Variants in GADL1 observed in about 807,000 individuals in gnomAD.
GADL1 encodes the protein GAD like acidic amino acid decarboxylase 1, also known as acidic amino acid decarboxylase GADL1.
In GADL1, 71 loss-of-function variants were observed where a neutral mutation model predicts 69.5. The observed-to-expected ratio is 1.02, with a 90% CI of 0.84 to 1.25. The LOEUF (loss-of-function observed/expected upper bound fraction) is 1.25. Ranked by LOEUF, GADL1 falls within the 50% of genes most tolerant of loss-of-function variation. The pLI is 0.00. For missense variants in GADL1, 737 were observed against 631.8 expected (o/e 1.17, Z -1.79); for synonymous variants, 254 against 214.4 (o/e 1.18, Z -1.62).
intron 9 of GADL1, among the ~76,000 whole-genome samples, chr3:30,838,700 T>G (rs1697912877): frequency 6.6e-6 from 1 of 152,046 alleles, no homozygotes; most frequent in Non-Finnish European, 1.5e-5. Context: ...CTCCCTAACC[T>G]AAAATGGGTG....
intron 14 of GADL1, among the ~76,000 whole-genome samples, chr3:30,735,342 T>A (rs1695527446): frequency 6.6e-6 from 1 of 152,138 alleles, no homozygotes; most frequent in Admixed American, 6.5e-5. Flanking sequence ...ATAGTCTTCA[T>A]GAAAAAAGAA....
chr3:30,817,953 C>A (rs879683404), intron 11 of GADL1, among the ~76,000 whole-genome samples: 3 of 152,138 alleles, frequency 2.0e-5, no homozygotes, highest in Non-Finnish European at 4.4e-5. Flanking sequence ...ACTGGAGATA[C>A]GGAAGATACA....
chr3:30,847,397 A>T (rs1369423171), intron 6 of GADL1, among the ~76,000 whole-genome samples: 1 of 152,192 alleles, frequency 6.6e-6, no homozygotes, highest in Non-Finnish European at 1.5e-5. Context: ...TACCTAATAT[A>T]ACAGTACTGG....
intron 13 of GADL1, 42 bp downstream of exon 13, chr3:30,786,313 G>C (rs750323666): frequency 3.1e-6 from 4 of 1,272,598 alleles, no homozygotes; most frequent in Non-Finnish European, 4.6e-6. Context: ...CTTCATCACT[G>C]TTAACTGACA....
At chr3:30,816,525 G>A (rs200581927) in intron 11 of GADL1, among the ~76,000 whole-genome samples, 6,303 of 40,270 alleles carry the variant, frequency 0.16, 613 homozygotes, top group South Asian at 0.32. Context: ...TTCTTAATTT[G>A]TTTTCTTTTT....
In GADL1 at chr3:30,727,716, G is replaced by A. The variant is rs1695391022; in HGVS notation, c.*526C>T. The A allele has an allele frequency of 6.6e-6, 1 of 152,154 alleles. No individual in the cohort carries two copies. The highest frequency in any genetic ancestry group is 2.4e-5 in the African/African-American group (1 of 41,420). The allele number at this position is 152,154 out of a possible 1,614,324, so 9.4% of individuals were successfully genotyped here. A position where few individuals can be genotyped will look rare whatever the true frequency, so the allele number is the denominator to read the frequency against. ...ATTACAAGGTTTTTCTTAAACCAGTGTTTCTCGGATTTTACTGTGCATCAG... is the reference window on the plus strand; with the variant it reads ...ATTACAAGGTTTTTCTTAAACCAGTATTTCTCGGATTTTACTGTGCATCAG... On this transcript the variant is annotated 3_prime_UTR_variant, in exon 15 of 15. Coordinates refer to ENST00000282538, the MANE Select transcript of GADL1 (RefSeq NM_207359.3).
Position 30,854,801 on chromosome 3 carries a change from A to C in GADL1, c.338-12T>G. The C allele has an allele frequency of 6.3e-6, 9 of 1,423,584 alleles. No individual in the cohort carries two copies. Among genetic ancestry groups the C allele is most frequent in the Non-Finnish European group, 8.7e-6 (9 of 1,031,784 alleles). The allele number at this position is 1,423,584 out of a possible 1,614,324, so 88.2% of individuals were successfully genotyped here. On this transcript the variant is annotated splice_polypyrimidine_tract_variant and intron_variant, in intron 3 of 14. Coordinates refer to ENST00000282538, the MANE Select transcript of GADL1 (RefSeq NM_207359.3). ...AAATCTTGGGTGGTCTGTAAATTTAAAATGGAGTATTCATCTATGCAGCAA... is the reference window on the plus strand; with the variant it reads ...AAATCTTGGGTGGTCTGTAAATTTACAATGGAGTATTCATCTATGCAGCAA...
Position 30,890,385 on chromosome 3 carries a change from AATAG to A in GADL1, c.37+4189_37+4192del, listed in dbSNP as rs563982335. Among the ~76,000 whole-genome samples the A allele has an allele frequency of 1.9e-3, 286 of 152,308 alleles. 3 individuals are homozygous for A. The highest frequency in any genetic ancestry group is 7.6e-4 in the Non-Finnish European group (52 of 68,028). On this transcript the variant is annotated intron_variant, in intron 1 of 14. Coordinates refer to ENST00000282538, the MANE Select transcript of GADL1 (RefSeq NM_207359.3). ...ATACCCTCATAGACATCAGGGAAGA[AATAG>A]ATATATAGAATTACAAGCATGTAAA...
chr3:30,759,530 A>AT (rs1696069797), intron 14 of GADL1, among the ~76,000 whole-genome samples: 1 of 152,234 alleles, frequency 6.6e-6, no homozygotes, highest in Admixed American at 6.5e-5. Context: ...CATTTGCTGA[A>AT]TTGAACTGAG....
chr3:30,821,521 AT>A (rs1248464036), intron 11 of GADL1, among the ~76,000 whole-genome samples: 1 of 138,386 alleles, frequency 7.2e-6, no homozygotes, highest in Non-Finnish European at 1.5e-5. Context: ...ACTTTTGTAC[AT>A]ATTTGAAATT....
Position 30,844,389 on chromosome 3 carries a change from T to C in GADL1, c.729A>G (p.Gly243=), listed in dbSNP as rs140315226. Residue 243 remains glycine (G), a splice_region_variant and synonymous_variant, in exon 7 of 15, where the codon GGA becomes GGG. Coordinates refer to ENST00000282538, the MANE Select transcript of GADL1 (RefSeq NM_207359.3). ...CTTCCAGATCCTGTTCCCATTACCT[T>C]CCATCTGTTTCCACAAAGCAAACAT... The part of the protein sequence containing the change: ...TENVCFVETD[G]RGKMIPEELE... The C allele has an allele frequency of 4.8e-5, 78 of 1,611,306 alleles. No individual in the cohort carries two copies. The African/African-American group carries it at 9.1e-4, about 19-fold the overall frequency.
intron 1 of GADL1, among the ~76,000 whole-genome samples, chr3:30,868,559 G>A (rs1484028666): frequency 2.0e-5 from 3 of 151,954 alleles, no homozygotes; most frequent in African/African-American, 4.8e-5. Context: ...ACAGCTATGA[G>A]TCATTGAAAG....
In GADL1 at chr3:30,735,483, A is replaced by G. The variant is rs544715347; in HGVS notation, c.1393-7068T>C. Reference sequence around the variant, plus strand: ...CAATTAAAGGGAATAAACTACCAACACAACATAGAAGAATCTCCAATAGAT... The same window carrying G: ...CAATTAAAGGGAATAAACTACCAACGCAACATAGAAGAATCTCCAATAGAT... On this transcript the variant is annotated intron_variant, in intron 14 of 14. Transcript: ENST00000282538. 2.6e-5 allele frequency among the ~76,000 whole-genome samples: 4 copies of G among 152,328 alleles called. No homozygotes were observed. The East Asian group carries it at 7.7e-4, about 29-fold the overall frequency.
chr3:30,759,401 A>G (rs1696065616), intron 14 of GADL1, among the ~76,000 whole-genome samples: 1 of 152,120 alleles, frequency 6.6e-6, no homozygotes, highest in African/African-American at 2.4e-5. Flanking sequence ...TTCTTGTTAC[A>G]CTGGACATTT....
intron 1 of GADL1, among the ~76,000 whole-genome samples, chr3:30,892,618 T>G (rs1698800318): frequency 6.6e-6 from 1 of 152,136 alleles, no homozygotes; most frequent in African/African-American, 2.4e-5. Context: ...ATGCTTAATC[T>G]AAGAAAAGTA....
chr3:30,851,036 G>T, intron 4 of GADL1, 95 bp from the exon 5 acceptor site: 1 of 685,880 alleles, frequency 1.5e-6, no homozygotes, highest in Non-Finnish European at 2.5e-6. Context: ...TAAACCAAGT[G>T]GCTGCTGAAG....
rs113709442 is a variant in GADL1, at chr3:30,748,779, A to G, written c.1393-20364T>C. Among the ~76,000 whole-genome samples, 52 of 152,344 alleles carry G rather than the reference A, an allele frequency of 3.4e-4. 1 individual carries two copies. Among genetic ancestry groups the G allele is most frequent in the African/African-American group, 1.2e-3 (50 of 41,580 alleles). The stretch of plus-strand genomic sequence containing the variant: ...CAGCTAGAATTTTTAACCTGGGAAG[A>G]AAGCTGAATATAATTCAACCGTTAC... On this transcript the variant is annotated intron_variant, in intron 14 of 14. Transcript: ENST00000282538.
chr3:30,758,007 C>T (rs766048042), intron 14 of GADL1, among the ~76,000 whole-genome samples: 8 of 152,158 alleles, frequency 5.3e-5, no homozygotes, highest in Non-Finnish European at 1.2e-4. Flanking sequence ...TTTCTCAATT[C>T]CATGAGTTAA....
chr3:30,732,830 G>A (rs1195383442), intron 14 of GADL1, among the ~76,000 whole-genome samples: 2 of 152,156 alleles, frequency 1.3e-5, no homozygotes, highest in Non-Finnish European at 2.9e-5. Flanking sequence ...CGCCAAGGCG[G>A]GCAGATCACT....
Sources: allele counts gnomAD v4.1 joint callset (sites outside exome capture counted in the v4.1 genomes callset), GRCh38; gene constraint gnomAD v4.1.1; transcripts MANE v1.5; gene names NCBI Gene and HGNC (gene_info 2026-07-23, HGNC 2026-07-21).